Variants in TNS3 observed in about 807,000 individuals in gnomAD.
TNS3 encodes tensin-3.
In TNS3, 45 loss-of-function variants were observed where a neutral mutation model predicts 140.9. The ratio of observed to expected loss-of-function variants is 0.32; its 90% CI spans 0.25 to 0.41. TNS3 has a LOEUF of 0.41. TNS3 is among the 10% of genes least tolerant of loss of function. TNS3 has a pLI of 1.00. For missense variants in TNS3, 1,716 were observed against 1,906.7 expected (o/e 0.90, Z 1.86); for synonymous variants, 815 against 788.4 (o/e 1.03, Z -0.56).
chr7:47,365,860 C>A (rs1190778202), intron 17 of TNS3, among the ~76,000 whole-genome samples: 1 of 152,086 alleles, frequency 6.6e-6, no homozygotes, highest in African/African-American at 2.4e-5. Context: ...AAATTCCAGG[C>A]CTTATAACTG....
At chr7:47,334,879 T>C (rs1386244428) in intron 20 of TNS3, among the ~76,000 whole-genome samples, 2 of 152,184 alleles carry the variant, frequency 1.3e-5, no homozygotes, top group African/African-American at 2.4e-5. Context: ...GGTGCTGGGA[T>C]TACAGGCATG....
chr7:47,494,773 G>A (rs944082665), intron 3 of TNS3, among the ~76,000 whole-genome samples: 1 of 152,022 alleles, frequency 6.6e-6, no homozygotes, highest in African/African-American at 2.4e-5. Context: ...CGCCCCGCGA[G>A]CTATTTCTGT....
chr7:47,410,487 A>T (rs1468255883), intron 13 of TNS3, among the ~76,000 whole-genome samples: 24 of 152,152 alleles, frequency 1.6e-4, no homozygotes, highest in Admixed American at 1.6e-3. Context: ...AGCATGTGAA[A>T]CAGGACAGAC....
At chr7:47,531,502 G>T (rs1282007077) in intron 1 of TNS3, among the ~76,000 whole-genome samples, 1 of 152,200 alleles carries the variant, frequency 6.6e-6, no homozygotes, top group South Asian at 2.1e-4. Flanking sequence ...TACACCAACA[G>T]ATGAAGAGCA....
At chr7:47,458,967 T>C (rs963790743) in intron 4 of TNS3, among the ~76,000 whole-genome samples, 17 of 152,330 alleles carry the variant, frequency 1.1e-4, no homozygotes, top group Non-Finnish European at 2.1e-4. Flanking sequence ...TTTAGCCAGA[T>C]AGGATGGACC....
chr7:47,429,596 T>C (rs1189516789), intron 8 of TNS3, among the ~76,000 whole-genome samples: 2 of 152,216 alleles, frequency 1.3e-5, no homozygotes, highest in African/African-American at 4.8e-5. Flanking sequence ...CTCGATCTCC[T>C]GACCTTGTGA....
chr7:47,481,309 G>T, intron 3 of TNS3, 168 bp from the exon 4 acceptor site: 1 of 438,076 alleles, frequency 2.3e-6, no homozygotes, highest in Non-Finnish European at 3.9e-6. Context: ...GAGAGTCCAG[G>T]GTTTTGTTCA....
chr7:47,326,627 CCT>C (rs1387178311), intron 20 of TNS3, among the ~76,000 whole-genome samples: 2 of 152,202 alleles, frequency 1.3e-5, no homozygotes, highest in East Asian at 3.9e-4. Flanking sequence ...GAAAATCACC[CCT>C]CTCTCGAAAT....
intron 4 of TNS3, among the ~76,000 whole-genome samples, chr7:47,471,712 C>T (rs140466530): frequency 0.016 from 2,377 of 152,326 alleles, 47 homozygotes; most frequent in Non-Finnish European, 0.021. Flanking sequence ...GGAGAAGGGG[C>T]CTCAGCCAGG....
intron 12 of TNS3, 26 bp downstream of exon 12, chr7:47,413,911 G>A (rs757519184): frequency 5.1e-6 from 7 of 1,385,696 alleles, no homozygotes; most frequent in Admixed American, 1.9e-5. Context: ...TCCCACAACA[G>A]CAGCAGCAGC....
At chr7:47,327,179 G>C (rs1788071190) in intron 20 of TNS3, among the ~76,000 whole-genome samples, 1 of 152,246 alleles carries the variant, frequency 6.6e-6, no homozygotes, top group South Asian at 2.1e-4. Flanking sequence ...ACATTTGGGA[G>C]GGAAGGGACA....
intron 1 of TNS3, among the ~76,000 whole-genome samples, chr7:47,580,375 A>T (rs1021899207): frequency 1.3e-5 from 2 of 152,240 alleles, no homozygotes; most frequent in African/African-American, 4.8e-5. Flanking sequence ...AAATGAATGC[A>T]TGCAAAGCAT....
At chr7:47,482,178 G>A (rs558940848) in intron 3 of TNS3, among the ~76,000 whole-genome samples, 4 of 152,342 alleles carry the variant, frequency 2.6e-5, no homozygotes, top group South Asian at 2.1e-4. Flanking sequence ...TTCTGAAAAT[G>A]TGCAACCGAA....
chr7:47,524,765 G>T (rs1481488517), intron 2 of TNS3, among the ~76,000 whole-genome samples: 1 of 130,724 alleles, frequency 7.6e-6, no homozygotes. Context: ...TCGCGCCACT[G>T]CAGTCCGCAG....
intron 3 of TNS3, among the ~76,000 whole-genome samples, chr7:47,495,130 G>A (rs1562803073): frequency 1.4e-5 from 2 of 146,758 alleles, no homozygotes; most frequent in Admixed American, 1.4e-4. Context: ...GGCGGAGCTT[G>A]CAGTGAGCCG....
rs953489765 is a variant in TNS3 at position 47,280,367 on chromosome 7, G to A, written c.4098-13C>T. 9 of 1,613,756 alleles carry A rather than the reference G, an allele frequency of 5.6e-6. No individual in the cohort carries two copies. Among genetic ancestry groups the A allele is most frequent in the Non-Finnish European group, 7.6e-6 (9 of 1,179,764 alleles). On this transcript the variant is annotated splice_polypyrimidine_tract_variant and intron_variant, in intron 28 of 30. Coordinates refer to ENST00000311160, the MANE Select transcript of TNS3 (RefSeq NM_022748.12). ...CCGGAAGAAGAGCCTGTTGGGACAT[G>A]GGGGAGAGAGGATGGCTCCTGTTAC...
chr7:47,579,197 A>T (rs1327166714), intron 1 of TNS3: 1 of 152,140 alleles, frequency 6.6e-6, no homozygotes, highest in Non-Finnish European at 1.5e-5. Context: ...ATCAACAAGG[A>T]TAGCAGCAGA....
At chr7:47,356,365 A>G (rs1026232268) in intron 17 of TNS3, among the ~76,000 whole-genome samples, 3 of 152,224 alleles carry the variant, frequency 2.0e-5, no homozygotes, top group Non-Finnish European at 4.4e-5. Flanking sequence ...CAAGAATCAC[A>G]GCAGGTCTCA....
chr7:47,518,967 G>A (rs185392804), intron 2 of TNS3, among the ~76,000 whole-genome samples: 4 of 152,226 alleles, frequency 2.6e-5, no homozygotes, highest in South Asian at 2.1e-4. Context: ...AATCAGCTGC[G>A]GCACTGACTA....
Sources: gnomAD v4.1 joint callset for allele counts (sites outside exome capture counted in the v4.1 genomes callset) on GRCh38, gnomAD v4.1.1 for gene constraint, MANE v1.5 for transcripts, NCBI Gene and HGNC (gene_info 2026-07-23, HGNC 2026-07-21) for gene names.